LINGO2: variants seen among roughly 807,000 people sequenced by gnomAD.
LINGO2 encodes leucine rich repeat and Ig domain containing 2, also known as leucine-rich repeat and immunoglobulin-like domain-containing nogo receptor-interacting protein 2.
Under a neutral mutation model 30.6 loss-of-function variants are expected in LINGO2, and 14 were observed. That is an observed-to-expected ratio of 0.46 (90% CI 0.30 to 0.72). The LOEUF (loss-of-function observed/expected upper bound fraction) is 0.72, where lower values mean the gene tolerates loss of function less well. Among genes scored for constraint, LINGO2 ranks in the 30% least tolerant of loss-of-function variants. LINGO2 has a pLI of 0.07. For missense variants in LINGO2, 729 were observed against 751.7 expected, an observed-to-expected ratio of 0.97 and a Z score of 0.35; for synonymous variants, 317 against 288.5, an observed-to-expected ratio of 1.10 and a Z score of -1.00.
the LINGO2 span, among the ~76,000 whole-genome samples, chr9:28,697,597 A>G: frequency 6.6e-6 from 1 of 152,152 alleles, no homozygotes; most frequent in East Asian, 1.9e-4. Context: ...TAGTTTGAAA[A>G]AAAAAATCAC....
chr9:27,988,888 G>T (rs928787671), intron 5 of LINGO2, among the ~76,000 whole-genome samples: 1 of 150,888 alleles, frequency 6.6e-6, no homozygotes, highest in African/African-American at 2.4e-5. Flanking sequence ...CAACTTGATT[G>T]ATCACTTCAT....
the LINGO2 span, among the ~76,000 whole-genome samples, chr9:28,709,236 T>G: frequency 6.6e-6 from 1 of 152,098 alleles, no homozygotes; most frequent in Non-Finnish European, 1.5e-5. Flanking sequence ...TGTTTTGTTT[T>G]TTAACTCTCA....
chr9:28,673,262 T>C (rs1025626061), upstream of LINGO2, among the ~76,000 whole-genome samples: 2 of 152,148 alleles, frequency 1.3e-5, no homozygotes, highest in African/African-American at 2.4e-5. Flanking sequence ...TATTAAATGA[T>C]AACACCAGAT....
intron 5 of LINGO2, among the ~76,000 whole-genome samples, chr9:28,009,219 C>A (rs1214665960): frequency 1.3e-5 from 2 of 151,302 alleles, no homozygotes; most frequent in Non-Finnish European, 2.9e-5. Context: ...CCCCTAACTT[C>A]ATATGATACA....
At chr9:27,995,641 C>A (rs939936055) in intron 5 of LINGO2, among the ~76,000 whole-genome samples, 6 of 152,104 alleles carry the variant, frequency 3.9e-5, no homozygotes, top group African/African-American at 1.4e-4. Context: ...TGCCAAAAAG[C>A]ACTTGACTAA....
At chr9:28,629,832 G>C (rs1156871533) in intron 1 of LINGO2, among the ~76,000 whole-genome samples, 1 of 151,994 alleles carries the variant, frequency 6.6e-6, no homozygotes. Context: ...ATGAAAAAAT[G>C]CATGAGGGTC....
chr9:28,109,531 A>G (rs1012255185), intron 4 of LINGO2, among the ~76,000 whole-genome samples: 2 of 152,196 alleles, frequency 1.3e-5, no homozygotes, highest in African/African-American at 4.8e-5. Flanking sequence ...TAAGCTGATA[A>G]GCAACTTCAG....
the LINGO2 span, among the ~76,000 whole-genome samples, chr9:29,172,209 T>G: frequency 2.0e-5 from 3 of 151,936 alleles, no homozygotes; most frequent in Non-Finnish European, 2.9e-5. Context: ...GTTATTCATT[T>G]TTATTATAAA....
At chr9:28,885,434 C>CAT in the LINGO2 span, among the ~76,000 whole-genome samples, 1 of 137,664 alleles carries the variant, frequency 7.3e-6, no homozygotes, top group Admixed American at 8.2e-5. Context: ...CACACATATA[C>CAT]ATATATATAC....
chr9:28,437,828 T>C (rs1564198852), intron 2 of LINGO2, among the ~76,000 whole-genome samples: 1 of 152,132 alleles, frequency 6.6e-6, no homozygotes, highest in Non-Finnish European at 1.5e-5. Context: ...TCATAATTTT[T>C]CAATGTAGCA....
chr9:29,137,618 T>C, the LINGO2 span, among the ~76,000 whole-genome samples: 1 of 152,156 alleles, frequency 6.6e-6, no homozygotes, highest in African/African-American at 2.4e-5. Context: ...TTGAATTTGT[T>C]CTACAACATA....
At chr9:29,001,527 G>A in the LINGO2 span, among the ~76,000 whole-genome samples, 1 of 151,910 alleles carries the variant, frequency 6.6e-6, no homozygotes, top group Non-Finnish European at 1.5e-5. Flanking sequence ...TATTTCACAA[G>A]ATCAGCAACT....
intron 2 of LINGO2, among the ~76,000 whole-genome samples, chr9:28,401,602 G>A (rs755163238): frequency 6.6e-6 from 1 of 152,142 alleles, no homozygotes; most frequent in Non-Finnish European, 1.5e-5. Flanking sequence ...ATATATGTGT[G>A]TATGTGTCTT....
chr9:29,084,931 A>C, the LINGO2 span, among the ~76,000 whole-genome samples: 1 of 152,010 alleles, frequency 6.6e-6, no homozygotes, highest in African/African-American at 2.4e-5. Context: ...GAATGAGTAA[A>C]TGCAATAACT....
At chr9:28,315,277 C>A (rs1299164286) in intron 3 of LINGO2, among the ~76,000 whole-genome samples, 1 of 151,852 alleles carries the variant, frequency 6.6e-6, no homozygotes, top group Non-Finnish European at 1.5e-5. Context: ...AGGTGGCAGG[C>A]GCCTGTAATC....
At chr9:28,571,099 T>A (rs886130066) in intron 1 of LINGO2, among the ~76,000 whole-genome samples, 1 of 151,922 alleles carries the variant, frequency 6.6e-6, no homozygotes, top group Non-Finnish European at 1.5e-5. Flanking sequence ...ATGAGATCCA[T>A]GATGTAGACT....
At chr9:28,376,621 A>G (rs1179747294) in intron 2 of LINGO2, among the ~76,000 whole-genome samples, 1 of 152,280 alleles carries the variant, frequency 6.6e-6, no homozygotes, top group East Asian at 1.9e-4. Context: ...CATGCTAATG[A>G]CTGATTAATA....
chr9:28,129,823 A>G lies in LINGO2; in HGVS notation c.-86-117418T>C, dbSNP rs1827334800. The G allele has an allele frequency of 6.6e-6, 1 of 152,218 alleles. No individual in the cohort carries two copies. The highest frequency in any genetic ancestry group is 2.1e-4 in the South Asian group (1 of 4,832). The allele number at this position is 152,218 out of a possible 1,614,324, so 9.4% of individuals were successfully genotyped here. On this transcript the variant is annotated intron_variant, in intron 4 of 5. Coordinates refer to ENST00000379992, the Ensembl canonical transcript of LINGO2. This position sits in a 1 kb window ranked among gnomAD's most constrained non-coding sequence, Gnocchi z 4.0. ...TATATTGTTTATTTTTGGTTTAAGA[A>G]GGTGAAAACATTCATAGCAGAACAC...
At chr9:29,094,293 A>C in the LINGO2 span, among the ~76,000 whole-genome samples, 3 of 139,270 alleles carry the variant, frequency 2.2e-5, no homozygotes, top group Admixed American at 7.4e-5. Flanking sequence ...AAGGCATTTT[A>C]TGATGATGTA....
Sources: gnomAD v4.1 joint callset for allele counts (sites outside exome capture counted in the v4.1 genomes callset) on GRCh38, gnomAD v4.1.1 for gene constraint, Gnocchi (gnomAD v3.1) non-coding constraint, MANE v1.5 for transcripts, NCBI Gene and HGNC (gene_info 2026-07-23, HGNC 2026-07-21) for gene names.